TAFA5: variants seen among roughly 807,000 people sequenced by gnomAD.
TAFA5 encodes the protein chemokine-like protein TAFA-5.
Under a neutral mutation model 15.3 loss-of-function variants are expected in TAFA5, and 6 were observed. That is an observed-to-expected ratio of 0.39 (90% CI 0.21 to 0.77). The LOEUF (loss-of-function observed/expected upper bound fraction) is 0.77. TAFA5 is among the 30% of genes least tolerant of loss of function. The pLI, the probability that TAFA5 is intolerant of heterozygous loss-of-function variation, is 0.41. For synonymous variants in TAFA5, 103 were observed against 80.7 expected (o/e 1.28, Z -1.48); for missense variants, 161 against 193.1 (o/e 0.83, Z 0.98).
chr22:48,623,443 G>A (rs1198495980), intron 1 of TAFA5, among the ~76,000 whole-genome samples: 1 of 152,148 alleles, frequency 6.6e-6, no homozygotes, highest in Admixed American at 6.5e-5. Flanking sequence ...GATGTGCTGC[G>A]TGGCCCTGCG....
intron 1 of TAFA5, among the ~76,000 whole-genome samples, chr22:48,600,310 C>T (rs151268984): frequency 0.011 from 1,671 of 152,260 alleles, 29 homozygotes; most frequent in African/African-American, 0.038. Flanking sequence ...AGGAGGTCTG[C>T]GTGAGGGATG....
intron 1 of TAFA5, chr22:48,576,630 C>T: frequency 8.4e-6 from 11 of 1,304,266 alleles, no homozygotes; most frequent in Non-Finnish European, 1.1e-5. Context: ...CGCGGCGGCT[C>T]CGGCGCCCGA....
At chr22:48,703,818 CG>C (rs1023651817) in intron 2 of TAFA5, among the ~76,000 whole-genome samples, 1 of 152,246 alleles carries the variant, frequency 6.6e-6, no homozygotes, top group African/African-American at 2.4e-5. Flanking sequence ...CCACACTGCC[CG>C]GGTTTTCTGG....
At chr22:48,600,088 C>T (rs1490122004) in intron 1 of TAFA5, among the ~76,000 whole-genome samples, 2 of 152,184 alleles carry the variant, frequency 1.3e-5, no homozygotes, top group Non-Finnish European at 1.5e-5. Context: ...CAAAATAAAA[C>T]AGCGGTGGAT....
intron 2 of TAFA5, among the ~76,000 whole-genome samples, chr22:48,664,495 A>G (rs2147216769): frequency 6.6e-6 from 1 of 152,364 alleles, no homozygotes; most frequent in South Asian, 2.1e-4. Flanking sequence ...TAGAAGCCCA[A>G]AATAGGTGAC....
chr22:48,716,115 C>T (rs7511188), intron 3 of TAFA5, among the ~76,000 whole-genome samples: 9,565 of 152,146 alleles, frequency 0.063, 367 homozygotes, highest in Admixed American at 0.095. Flanking sequence ...ATATCTGTTT[C>T]GGTACCAGTA....
rs866186965 is a variant in TAFA5, at chr22:48,593,404, C to T, written c.113-53193C>T. 1.3e-4 allele frequency among the ~76,000 whole-genome samples: 20 copies of T among 151,982 alleles called. No individual in the cohort carries two copies. The South Asian group carries it at 1.5e-3, about 11-fold the overall frequency. Reference sequence around the variant, plus strand: ...CTGATGGTGACCGATGTGAAGGGGACGTGTCTTTTCAGGCAGGGAGACTGC... The same window carrying T: ...CTGATGGTGACCGATGTGAAGGGGATGTGTCTTTTCAGGCAGGGAGACTGC... On this transcript the variant is annotated intron_variant, in intron 1 of 3. Transcript: ENST00000402357.
rs1930498423 is a variant in TAFA5, at chr22:48,751,593, A to G, written c.*1746A>G. ...AAGACCTGTTCCGGTATCCATGAGGACATAATTTACCTTTCAGTCACCACA... is the reference window on the plus strand; with the variant it reads ...AAGACCTGTTCCGGTATCCATGAGGGCATAATTTACCTTTCAGTCACCACA... On this transcript the variant is annotated 3_prime_UTR_variant, in exon 4 of 4. Coordinates refer to ENST00000402357, the MANE Select transcript of TAFA5 (RefSeq NM_001082967.3). 6.6e-6 allele frequency: 1 copy of G among 152,378 alleles called. No homozygotes were observed. The highest frequency in any genetic ancestry group is 1.5e-5 in the Non-Finnish European group (1 of 68,034). The allele number at this position is 152,378 out of a possible 1,614,324, so 9.4% of individuals were successfully genotyped here.
intron 1 of TAFA5, among the ~76,000 whole-genome samples, chr22:48,622,790 C>T (rs979866834): frequency 1.3e-5 from 2 of 152,184 alleles, no homozygotes; most frequent in Non-Finnish European, 2.9e-5. Flanking sequence ...CAGACAGGCC[C>T]CTCGCCCTGA....
At chr22:48,737,127 C>T (rs568643956) in intron 3 of TAFA5, among the ~76,000 whole-genome samples, 53 of 152,118 alleles carry the variant, frequency 3.5e-4, no homozygotes, top group Non-Finnish European at 6.5e-4. Flanking sequence ...TGCCCCTCTC[C>T]TGACCTCTGT....
At chr22:48,582,807 A>C (rs1924123147) in intron 1 of TAFA5, among the ~76,000 whole-genome samples, 1 of 110,968 alleles carries the variant, frequency 9.0e-6, no homozygotes, top group Admixed American at 9.8e-5. Flanking sequence ...ACCACACATG[A>C]AATACACCAC....
At chr22:48,643,813 A>G (rs556396299) in intron 1 of TAFA5, among the ~76,000 whole-genome samples, 254 of 152,230 alleles carry the variant, frequency 1.7e-3, no homozygotes, top group African/African-American at 5.5e-3. Flanking sequence ...CCTGGACACC[A>G]TGAGTCTCTG....
chr22:48,586,068 C>T (rs1212150654), intron 1 of TAFA5, among the ~76,000 whole-genome samples: 2 of 152,218 alleles, frequency 1.3e-5, no homozygotes, highest in African/African-American at 4.8e-5. Flanking sequence ...CCATCCTCAC[C>T]CGGACCCTGA....
chr22:48,693,882 A>C (rs1928619150), intron 2 of TAFA5, among the ~76,000 whole-genome samples: 1 of 152,162 alleles, frequency 6.6e-6, no homozygotes, highest in African/African-American at 2.4e-5. Flanking sequence ...CGCAGCTGAC[A>C]GATGGTGCCC....
intron 2 of TAFA5, among the ~76,000 whole-genome samples, chr22:48,685,439 A>G (rs1452489383): frequency 6.6e-6 from 1 of 152,152 alleles, no homozygotes; most frequent in Non-Finnish European, 1.5e-5. Context: ...TGTCAGAGAA[A>G]TGTTCTTTGG....
chr22:48,749,709 T>G, intron 3 of TAFA5, 130 bp from the exon 4 acceptor site: 1 of 961,198 alleles, frequency 1.0e-6, no homozygotes, highest in Non-Finnish European at 1.6e-6. Context: ...GCACTGAGGA[T>G]GAGCTCTTCG....
intron 1 of TAFA5, among the ~76,000 whole-genome samples, chr22:48,507,814 C>T (rs1921054852): frequency 6.6e-6 from 1 of 152,124 alleles, no homozygotes; most frequent in South Asian, 2.1e-4. Context: ...ATGGACAGCG[C>T]CCCCTCCCCA....
chr22:48,559,169 C>G (rs954754582), intron 1 of TAFA5, among the ~76,000 whole-genome samples: 1 of 152,198 alleles, frequency 6.6e-6, no homozygotes, highest in Non-Finnish European at 1.5e-5. Flanking sequence ...GTTGAGGCCG[C>G]CCGGGGCCAT....
intron 1 of TAFA5, among the ~76,000 whole-genome samples, chr22:48,578,581 G>T (rs112426358): frequency 0.035 from 5,257 of 152,312 alleles, 154 homozygotes; most frequent in Admixed American, 0.085. Flanking sequence ...GTCATAGGAA[G>T]GTGGGATGAG....
Sources: gnomAD v4.1 joint callset for allele counts (sites outside exome capture counted in the v4.1 genomes callset) on GRCh38, gnomAD v4.1.1 for gene constraint, MANE v1.5 for transcripts, NCBI Gene and HGNC (gene_info 2026-07-23, HGNC 2026-07-21) for gene names.